The following FER variants were observed in gnomAD, a reference collection of about 807,000 sequenced individuals.
FER encodes the protein FER tyrosine kinase.
In FER, 63 loss-of-function variants were observed where a neutral mutation model predicts 111.0. The ratio of observed to expected loss-of-function variants is 0.57; its 90% CI spans 0.46 to 0.70. The LOEUF (loss-of-function observed/expected upper bound fraction) is 0.70. Among genes scored for constraint, FER ranks in the 30% least tolerant of loss-of-function variants. The probability of loss-of-function intolerance (pLI) is 0.00; values close to 1 mark genes in which losing one functional copy is unlikely to be tolerated. For missense variants in FER, 914 were observed against 954.0 expected (o/e 0.96, Z 0.55); for synonymous variants, 327 against 313.9 (o/e 1.04, Z -0.44).
At position 108,766,575 on chromosome 5, in the gene FER, C is replaced by A. The variant is rs566915726; in HGVS notation, c.-205-1518C>A. 3.3e-5 allele frequency among the ~76,000 whole-genome samples: 5 copies of A among 152,258 alleles called. No homozygotes were observed. The South Asian group carries it at 1.0e-3, about 32-fold the overall frequency. The stretch of plus-strand genomic sequence containing the variant: ...ATCTAGAAGGGAATAAAATGTTTTC[C>A]TAAGGGCGAAGGCACCCTTTGGAAA... On this transcript the variant is annotated intron_variant, in intron 1 of 19. Coordinates refer to ENST00000281092, the MANE Select transcript of FER (RefSeq NM_005246.4).
Position 109,037,492 on chromosome 5 carries a change from T to C in FER, c.1713+14T>C. 1.2e-6 allele frequency: 2 copies of C among 1,606,582 alleles called. No individual in the cohort carries two copies. Among genetic ancestry groups the C allele is most frequent in the Non-Finnish European group, 1.7e-6 (2 of 1,174,090 alleles). On this transcript the variant is annotated intron_variant, in intron 14 of 19. Transcript: ENST00000281092. The stretch of plus-strand genomic sequence containing the variant: ...TTACTGGGCAAGGTATGTAATCAAC[T>C]GAGCTAAATAACCAGAAGTCTCTAT...
intron 15 of FER, among the ~76,000 whole-genome samples, chr5:109,045,028 T>A (rs1771750134): frequency 6.6e-6 from 1 of 152,048 alleles, no homozygotes; most frequent in African/African-American, 2.4e-5. Flanking sequence ...GTTAAGATAT[T>A]TTGCTTTCAT....
chr5:108,803,508 A>C (rs938598081), intron 3 of FER, among the ~76,000 whole-genome samples: 11 of 152,306 alleles, frequency 7.2e-5, no homozygotes, highest in African/African-American at 2.6e-4. Context: ...TAATTTTTGT[A>C]CATGGTGAAA....
chr5:108,760,153 C>G (rs993132188), intron 1 of FER, among the ~76,000 whole-genome samples: 2 of 131,476 alleles, frequency 1.5e-5, no homozygotes, highest in South Asian at 4.8e-4. Context: ...TGAAAGCAGT[C>G]TTCTGTTTTT....
chr5:109,061,720 C>A (rs575815785), intron 16 of FER, among the ~76,000 whole-genome samples: 3 of 152,136 alleles, frequency 2.0e-5, no homozygotes, highest in African/African-American at 7.2e-5. Flanking sequence ...GTTTGAGTTT[C>A]TTTTTTCTCT....
chr5:108,990,279 A>G (rs1392292468), intron 13 of FER, among the ~76,000 whole-genome samples: 1 of 151,930 alleles, frequency 6.6e-6, no homozygotes, highest in Non-Finnish European at 1.5e-5. Flanking sequence ...TTTTCATTTG[A>G]ATTCTCCTGT....
intron 2 of FER, among the ~76,000 whole-genome samples, chr5:108,783,575 TC>T (rs1367591863): frequency 6.6e-6 from 1 of 152,228 alleles, no homozygotes; most frequent in Non-Finnish European, 1.5e-5. Flanking sequence ...GAGGGCTAGT[TC>T]AACCTTTTAT....
chr5:109,134,761 A>G (rs1752716741), intron 17 of FER, among the ~76,000 whole-genome samples: 2 of 152,298 alleles, frequency 1.3e-5, no homozygotes, highest in Non-Finnish European at 2.9e-5. Context: ...GTAAATGCAT[A>G]ATTGAAACAA....
intron 17 of FER, among the ~76,000 whole-genome samples, chr5:109,130,079 C>G (rs1384207549): frequency 6.6e-6 from 1 of 150,988 alleles, no homozygotes; most frequent in East Asian, 1.9e-4. Flanking sequence ...TACATTTATA[C>G]TTATGCTTCC....
At chr5:109,097,410 C>CT (rs980171567) in intron 16 of FER, among the ~76,000 whole-genome samples, 9 of 151,752 alleles carry the variant, frequency 5.9e-5, no homozygotes, top group Non-Finnish European at 5.9e-5. Flanking sequence ...TGTGAGTTAT[C>CT]TTTTTTTTGC....
chr5:108,978,467 T>C (rs1295591074), intron 13 of FER, among the ~76,000 whole-genome samples: 1 of 152,252 alleles, frequency 6.6e-6, no homozygotes, highest in Non-Finnish European at 1.5e-5. Flanking sequence ...GCATCAATTC[T>C]GTTTAAAGTC....
chr5:108,894,289 G>C, intron 9 of FER: 1 of 659,360 alleles, frequency 1.5e-6, no homozygotes, highest in Non-Finnish European at 2.1e-6. Context: ...TAGGGGTTCA[G>C]GTTGGGACTT....
At chr5:109,127,092 A>G (rs1170850728) in intron 17 of FER, among the ~76,000 whole-genome samples, 1 of 152,176 alleles carries the variant, frequency 6.6e-6, no homozygotes, top group Non-Finnish European at 1.5e-5. Context: ...ACGTTCCAAG[A>G]TTATTTCTCA....
At chr5:108,947,276 T>C (rs1757112321) in intron 11 of FER, among the ~76,000 whole-genome samples, 1 of 152,082 alleles carries the variant, frequency 6.6e-6, no homozygotes. Context: ...ACTGCCAAAC[T>C]GTTTTTCATG....
Position 109,051,238 on chromosome 5 carries a change from A to C in FER, c.1924+4040A>C. On this transcript the variant is annotated intron_variant, in intron 16 of 19. Transcript: ENST00000281092. ...CCACCTCCACCGGATCAAAATTAAC[A>C]CCTGGTGCACTTTCTACAGCACCTT... The C allele has an allele frequency of 3.2e-6, 3 of 941,994 alleles. No homozygotes were observed. In the South Asian group the frequency reaches 4.0e-5, roughly 13 times the overall value. The allele number at this position is 941,994 out of a possible 1,614,324, so 58.4% of individuals were successfully genotyped here. A position where few individuals can be genotyped will look rare whatever the true frequency, so the allele number is the denominator to read the frequency against.
chr5:109,100,884 A>G (rs76119827), intron 17 of FER, among the ~76,000 whole-genome samples: 15 of 152,032 alleles, frequency 9.9e-5, no homozygotes, highest in South Asian at 4.1e-4. Flanking sequence ...AAGAAATTAC[A>G]TATGAAGTCA....
At chr5:109,012,969 G>T (rs1766495379) in intron 13 of FER, among the ~76,000 whole-genome samples, 1 of 151,630 alleles carries the variant, frequency 6.6e-6, no homozygotes, top group Admixed American at 6.6e-5. Flanking sequence ...TTTCTCCCTT[G>T]GCTGAACGTG....
chr5:108,789,167 AC>A (rs1033039147), intron 2 of FER, among the ~76,000 whole-genome samples: 6 of 152,256 alleles, frequency 3.9e-5, no homozygotes, highest in African/African-American at 1.4e-4. Flanking sequence ...GCTAGTACCA[AC>A]AAATTAATCT....
intron 9 of FER, among the ~76,000 whole-genome samples, chr5:108,893,136 G>C (rs974101023): frequency 6.6e-6 from 1 of 152,134 alleles, no homozygotes; most frequent in South Asian, 2.1e-4. Flanking sequence ...GCTTAGGATT[G>C]ACTTGGCGAT....
Sources: allele counts gnomAD v4.1 joint callset (sites outside exome capture counted in the v4.1 genomes callset), GRCh38; gene constraint gnomAD v4.1.1; transcripts MANE v1.5; gene names NCBI Gene and HGNC (gene_info 2026-07-23, HGNC 2026-07-21).